Variants in COL9A1 observed in about 807,000 individuals in gnomAD.
The protein encoded by COL9A1 is collagen type IX alpha 1 chain.
COL9A1 carries 104 observed loss-of-function variants against 142.6 expected under a neutral mutation model. The ratio of observed to expected loss-of-function variants is 0.73; its 90% CI spans 0.62 to 0.86. The LOEUF (loss-of-function observed/expected upper bound fraction) is 0.86. COL9A1 is among the 40% of genes least tolerant of loss of function. The probability of loss-of-function intolerance (pLI) is 0.00; values close to 1 mark genes in which losing one functional copy is unlikely to be tolerated. For synonymous variants in COL9A1, 466 were observed against 396.0 expected, an observed-to-expected ratio of 1.18 and a Z score of -2.10; for missense variants, 1,210 against 1,176.6, an observed-to-expected ratio of 1.03 and a Z score of -0.42.
intron 10 of COL9A1, chr6:70,280,274 C>G (rs7764042): frequency 0.2 from 249,633 of 1,236,010 alleles, 27,154 homozygotes; most frequent in Non-Finnish European, 0.22. Context: ...TTTCTAAATT[C>G]CCCGCACATC....
At chr6:70,279,990 C>T in intron 10 of COL9A1, 1 of 696,324 alleles carries the variant, frequency 1.4e-6, no homozygotes, top group South Asian at 1.6e-5. Flanking sequence ...CTTCATATTC[C>T]AGGGACAAAA....
Position 70,222,850 on chromosome 6 carries a change from A to C in COL9A1, c.2581+3082T>G, listed in dbSNP as rs1016150512. ...TTTCTTTATTTTAGGTAAGAAAAGA[A>C]TTTTTTTATCTAGACGGTTCCAGAC... is the stretch of plus-strand genomic sequence containing the variant. On this transcript the variant is annotated intron_variant, in intron 37 of 37. Transcript: ENST00000357250. 6.4e-4 allele frequency: 98 copies of C among 152,198 alleles called. 1 individual carries two copies. The highest frequency in any genetic ancestry group is 4.4e-5 in the Non-Finnish European group (3 of 68,002). 9.4% of individuals were successfully genotyped at this position (152,198 alleles called of 1,614,324 possible). A position where few individuals can be genotyped will look rare whatever the true frequency, so the allele number is the denominator to read the frequency against.
chr6:70,249,916 C>T (rs1285108085), intron 28 of COL9A1, among the ~76,000 whole-genome samples: 2 of 152,138 alleles, frequency 1.3e-5, no homozygotes, highest in Admixed American at 1.3e-4. Context: ...TGTCCCACAA[C>T]AAGTGCTCAG....
At chr6:70,289,296 ATT>A (rs34360468) in intron 5 of COL9A1, among the ~76,000 whole-genome samples, 1 of 152,068 alleles carries the variant, frequency 6.6e-6, no homozygotes, top group African/African-American at 2.4e-5. Flanking sequence ...TAGCACACTG[ATT>A]TTTTTTATTG....
intron 37 of COL9A1, among the ~76,000 whole-genome samples, chr6:70,223,618 C>T (rs931766861): frequency 6.6e-6 from 1 of 152,182 alleles, no homozygotes. Flanking sequence ...GAATGTGGGC[C>T]GACCTCGAAA....
At chr6:70,252,914 A>G (rs1409922751) in intron 26 of COL9A1, among the ~76,000 whole-genome samples, 1 of 152,174 alleles carries the variant, frequency 6.6e-6, no homozygotes, top group African/African-American at 2.4e-5. Flanking sequence ...TTTCTTCTCA[A>G]GCAAAGCTAT....
At chr6:70,249,112 A>G (rs1421204073) in intron 28 of COL9A1, among the ~76,000 whole-genome samples, 1 of 147,398 alleles carries the variant, frequency 6.8e-6, no homozygotes, top group East Asian at 1.9e-4. Context: ...AATGAGAAGT[A>G]AAACAGGGAG....
chr6:70,283,711 C>A lies in COL9A1; in HGVS notation c.780+26G>T, dbSNP rs538316927. The A allele has an allele frequency of 9.4e-5, 148 of 1,582,198 alleles. No homozygotes were observed. In the East Asian group the frequency reaches 3.0e-3, roughly 32 times the overall value. On this transcript the variant is annotated intron_variant, in intron 6 of 37. Transcript: ENST00000357250. ...AGAGGGTTGAGCTGGGTAGAAGTGGCCTTTGCAGGTAGTCAGGGGACTCAC... is the reference window on the plus strand; with the variant it reads ...AGAGGGTTGAGCTGGGTAGAAGTGGACTTTGCAGGTAGTCAGGGGACTCAC...
At chr6:70,285,724 GT>G (rs1773427138) in intron 5 of COL9A1, among the ~76,000 whole-genome samples, 1 of 152,186 alleles carries the variant, frequency 6.6e-6, no homozygotes, top group South Asian at 2.1e-4. Flanking sequence ...AAATAAGTTT[GT>G]TTTAAATCTA....
At chr6:70,299,191 T>G (rs1250538923) in intron 4 of COL9A1, among the ~76,000 whole-genome samples, 1 of 152,136 alleles carries the variant, frequency 6.6e-6, no homozygotes, top group Non-Finnish European at 1.5e-5. Flanking sequence ...TTATATCAGA[T>G]TCTTCTAATT....
intron 7 of COL9A1, among the ~76,000 whole-genome samples, chr6:70,282,338 C>T (rs1333339662): frequency 2.6e-5 from 4 of 152,130 alleles, no homozygotes; most frequent in African/African-American, 9.7e-5. Context: ...TGGGCTTATG[C>T]GCCCCCGCCG....
At position 70,225,934 on chromosome 6, in the gene COL9A1, G is replaced by A. The variant is rs1415859081; in HGVS notation, c.2579C>T (p.Pro860Leu). 3.7e-6 allele frequency: 6 copies of A among 1,613,560 alleles called. No individual in the cohort carries two copies. The highest frequency in any genetic ancestry group is 5.1e-6 in the Non-Finnish European group (6 of 1,179,644). The change falls in exon 37 of 38, where the codon CCA becomes CTA. Residue 860 changes from proline to leucine, a missense_variant and splice_region_variant. Coordinates refer to ENST00000357250, the MANE Select transcript of COL9A1 (RefSeq NM_001851.6). Reference protein sequence around the residue: ...PNGLPGAIGLPGDPGPASYGR... With the variant: ...PNGLPGAIGLLGDPGPASYGR... Reference sequence around the variant, plus strand: ...TCTCAGCTATACAACACACTTACCTGGGAGACCTATAGCTCCAGGCAAACC... The same window carrying A: ...TCTCAGCTATACAACACACTTACCTAGGAGACCTATAGCTCCAGGCAAACC...
At position 70,227,424 on chromosome 6, in the gene COL9A1, T is replaced by TAAAAAAAAAAAAAAAAAAAAAAAAAAA. The variant is rs11407353; in HGVS notation, c.2504-1416_2504-1415insTTTTTTTTTTTTTTTTTTTTTTTTTTT. The stretch of plus-strand genomic sequence containing the variant: ...CTCATAACAAAATAAATGCAAATTG[T>TAAAAAAAAAAAAAAAAAAAAAAAAAAA]AAAAAAAAAAAAAAAAAAAAAAAAG... On this transcript the variant is annotated intron_variant, in intron 36 of 37. Coordinates refer to ENST00000357250, the MANE Select transcript of COL9A1 (RefSeq NM_001851.6). Among the ~76,000 whole-genome samples the TAAAAAAAAAAAAAAAAAAAAAAAAAAA allele has an allele frequency of 2.4e-4, 12 of 50,028 alleles. 1 individual carries two copies. Among genetic ancestry groups the TAAAAAAAAAAAAAAAAAAAAAAAAAAA allele is most frequent in the South Asian group, 6.8e-4 (1 of 1,478 alleles). The allele number at this position is 50,028 out of a possible 152,430, so 32.8% of individuals were successfully genotyped here. A position where few individuals can be genotyped will look rare whatever the true frequency, so the allele number is the denominator to read the frequency against.
chr6:70,291,599 A>G (rs1007827820), intron 5 of COL9A1, among the ~76,000 whole-genome samples: 2 of 152,174 alleles, frequency 1.3e-5, no homozygotes, highest in African/African-American at 4.8e-5. Flanking sequence ...TACATACTCA[A>G]TGAAAGTTTA....
chr6:70,282,377 C>T (rs1266145383), intron 7 of COL9A1, among the ~76,000 whole-genome samples: 1 of 152,230 alleles, frequency 6.6e-6, no homozygotes, highest in African/African-American at 2.4e-5. Context: ...AGGCGGGAGG[C>T]GCTGGAGCCT....
At chr6:70,271,761 A>G (rs1418072152) in intron 13 of COL9A1, 53 bp from the exon 14 acceptor site, 3 of 1,450,182 alleles carry the variant, frequency 2.1e-6, no homozygotes, top group Admixed American at 1.7e-5. Flanking sequence ...TTTACAATCT[A>G]TCATACATTA....
chr6:70,279,712 TAAAC>T (rs1346932908), intron 10 of COL9A1: 1 of 285,700 alleles, frequency 3.5e-6, no homozygotes, highest in African/African-American at 2.3e-5. Flanking sequence ...AGACACAGTA[TAAAC>T]AAACACATTC....
At chr6:70,223,056 G>T (rs866313128) in intron 37 of COL9A1, among the ~76,000 whole-genome samples, 1 of 152,082 alleles carries the variant, frequency 6.6e-6, no homozygotes, top group Non-Finnish European at 1.5e-5. Flanking sequence ...CCAGTACTTC[G>T]CATTTGTGAT....
At chr6:70,236,062 G>A (rs1166834268) in intron 33 of COL9A1, among the ~76,000 whole-genome samples, 1 of 130,690 alleles carries the variant, frequency 7.7e-6, no homozygotes, top group Non-Finnish European at 1.5e-5. Context: ...GCAGCCAGCC[G>A]AGATCGCACC....
Sources: gnomAD v4.1 joint callset for allele counts (sites outside exome capture counted in the v4.1 genomes callset) on GRCh38, gnomAD v4.1.1 for gene constraint, MANE v1.5 for transcripts, NCBI Gene and HGNC (gene_info 2026-07-23, HGNC 2026-07-21) for gene names.